EBF2: variants seen among roughly 807,000 people sequenced by gnomAD.
The protein encoded by EBF2 is transcription factor COE2.
Under a neutral mutation model 72.8 loss-of-function variants are expected in EBF2, and 21 were observed. The ratio of observed to expected loss-of-function variants is 0.29; its 90% CI spans 0.20 to 0.42. The LOEUF (loss-of-function observed/expected upper bound fraction) is 0.42. Ranked by LOEUF, EBF2 falls within the 10% of genes least tolerant of loss-of-function variation. EBF2 has a pLI of 1.00. For missense variants in EBF2, 637 were observed against 731.2 expected (o/e 0.87, Z 1.49); for synonymous variants, 299 against 274.2 (o/e 1.09, Z -0.89).
At chr8:25,988,177 C>T (rs1166147271) in intron 6 of EBF2, among the ~76,000 whole-genome samples, 1 of 152,126 alleles carries the variant, frequency 6.6e-6, no homozygotes, top group Admixed American at 6.5e-5. Context: ...CATACTCCCA[C>T]CCTGGGGCTC....
chr8:26,021,590 T>C (rs1363155785), intron 6 of EBF2, among the ~76,000 whole-genome samples: 1 of 152,242 alleles, frequency 6.6e-6, no homozygotes, highest in African/African-American at 2.4e-5. Context: ...CAAATAACAA[T>C]GAATTATTTT....
chr8:26,033,276 C>T (rs1451998971), intron 5 of EBF2, 123 bp from the exon 6 acceptor site: 2 of 902,690 alleles, frequency 2.2e-6, no homozygotes, highest in Admixed American at 2.0e-5. Context: ...GGCTGTAGTA[C>T]AATGGCTTGA....
chr8:25,865,236 T>A (rs1802289050), intron 10 of EBF2, among the ~76,000 whole-genome samples: 1 of 152,230 alleles, frequency 6.6e-6, no homozygotes, highest in Admixed American at 6.5e-5. Context: ...CCTTCTTCTT[T>A]AGATCCCTCA....
chr8:26,018,528 G>A (rs1007248829), intron 6 of EBF2, among the ~76,000 whole-genome samples: 5 of 150,694 alleles, frequency 3.3e-5, no homozygotes, highest in South Asian at 2.1e-4. Flanking sequence ...AAAATTAGCC[G>A]GGCGTGGTGT....
At chr8:25,853,638 A>G (rs1481329057) in intron 14 of EBF2, among the ~76,000 whole-genome samples, 1 of 152,126 alleles carries the variant, frequency 6.6e-6, no homozygotes, top group Non-Finnish European at 1.5e-5. Context: ...TTCAATCTCT[A>G]GAAATTAATC....
intron 6 of EBF2, among the ~76,000 whole-genome samples, chr8:26,024,867 T>C (rs1008526847): frequency 2.6e-5 from 4 of 152,154 alleles, no homozygotes; most frequent in Non-Finnish European, 5.9e-5. Context: ...ACACAGCTAA[T>C]AAATATTGGC....
At chr8:25,993,079 C>T (rs1804571073) in intron 6 of EBF2, among the ~76,000 whole-genome samples, 1 of 152,050 alleles carries the variant, frequency 6.6e-6, no homozygotes, top group African/African-American at 2.4e-5. Flanking sequence ...ACACCAAAGG[C>T]TCTCAATACA....
intron 15 of EBF2, 150 bp from the exon 16 acceptor site, chr8:25,844,790 A>AG (rs1801799312): frequency 1.0e-6 from 1 of 987,790 alleles, no homozygotes; most frequent in Non-Finnish European, 1.6e-6. Flanking sequence ...CCTGTTCTCC[A>AG]GGTTTGGTCT....
At chr8:26,037,580 G>T (rs551376697) in intron 5 of EBF2, among the ~76,000 whole-genome samples, 2 of 152,166 alleles carry the variant, frequency 1.3e-5, no homozygotes, top group Non-Finnish European at 2.9e-5. Flanking sequence ...TCTAGCCTGC[G>T]CCTTGTGGCG....
At chr8:26,040,555 G>T in intron 4 of EBF2, 61 bp downstream of exon 4, 3 of 1,498,142 alleles carry the variant, frequency 2.0e-6, no homozygotes, top group African/African-American at 1.4e-5. Flanking sequence ...GAAACAAACT[G>T]GGGGGTTTGG....
At chr8:26,043,532 C>T (rs539206067) in intron 1 of EBF2, among the ~76,000 whole-genome samples, 1 of 152,338 alleles carries the variant, frequency 6.6e-6, no homozygotes, top group South Asian at 2.1e-4. Context: ...CGGAAAGCCG[C>T]GGCCGCCGCG....
intron 6 of EBF2, among the ~76,000 whole-genome samples, chr8:25,977,507 C>T (rs930914713): frequency 4.6e-5 from 7 of 152,146 alleles, no homozygotes; most frequent in Non-Finnish European, 7.3e-5. Context: ...TCTTCTCTCT[C>T]GCCCCCAGCT....
At chr8:25,942,166 G>C (rs1048199032) in intron 6 of EBF2, among the ~76,000 whole-genome samples, 5 of 152,170 alleles carry the variant, frequency 3.3e-5, no homozygotes, top group African/African-American at 1.2e-4. Context: ...GCCCCATCTG[G>C]GAACATGCAA....
intron 4 of EBF2, 117 bp from the exon 5 acceptor site, chr8:26,040,218 AG>A: frequency 9.1e-7 from 1 of 1,102,346 alleles, no homozygotes; most frequent in Admixed American, 1.9e-5. Context: ...CCACCGCATT[AG>A]GAATTCCCGC....
intron 14 of EBF2, among the ~76,000 whole-genome samples, chr8:25,853,419 C>CA (rs1802022789): frequency 6.6e-6 from 1 of 151,868 alleles, no homozygotes; most frequent in Non-Finnish European, 1.5e-5. Context: ...AAGAGAGATC[C>CA]ATATAGAAAC....
intron 7 of EBF2, among the ~76,000 whole-genome samples, chr8:25,905,980 G>A (rs1803025574): frequency 6.6e-6 from 1 of 152,162 alleles, no homozygotes; most frequent in Admixed American, 6.5e-5. Context: ...CACATAGGAT[G>A]AGAATTCTAT....
chr8:25,845,632 C>A (rs1379326216), intron 15 of EBF2, among the ~76,000 whole-genome samples: 1 of 152,172 alleles, frequency 6.6e-6, no homozygotes, highest in Non-Finnish European at 1.5e-5. Context: ...AGAATCACTT[C>A]CCAGGGTTTC....
At chr8:25,849,675 G>A (rs1021058866) in intron 15 of EBF2, among the ~76,000 whole-genome samples, 3 of 149,596 alleles carry the variant, frequency 2.0e-5, no homozygotes, top group Non-Finnish European at 3.0e-5. Flanking sequence ...CATCCACAAT[G>A]AGATGATTTT....
chr8:25,937,031 G>T (rs558163302), intron 6 of EBF2, among the ~76,000 whole-genome samples: 1 of 152,202 alleles, frequency 6.6e-6, no homozygotes, highest in African/African-American at 2.4e-5. Context: ...CTGATTTTTG[G>T]TAAGTATTTA....
Sources: gnomAD v4.1 joint callset for allele counts (sites outside exome capture counted in the v4.1 genomes callset) on GRCh38, gnomAD v4.1.1 for gene constraint, MANE v1.5 for transcripts, NCBI Gene and HGNC (gene_info 2026-07-23, HGNC 2026-07-21) for gene names.